Variants in PDE10A observed in about 807,000 individuals in gnomAD.
PDE10A encodes the protein cAMP and cAMP-inhibited cGMP 3',5'-cyclic phosphodiesterase 10A.
PDE10A carries 39 observed loss-of-function variants against 97.7 expected under a neutral mutation model. The observed-to-expected ratio is 0.40, with a 90% confidence interval of 0.31 to 0.52. PDE10A has a LOEUF of 0.52. Among genes scored for constraint, PDE10A ranks in the 20% least tolerant of loss-of-function variants. The pLI, the probability that PDE10A is intolerant of heterozygous loss-of-function variation, is 0.56. For synonymous variants in PDE10A, 371 were observed against 376.8 expected, an observed-to-expected ratio of 0.98 and a Z score of 0.18; for missense variants, 731 against 1,047.8, an observed-to-expected ratio of 0.70 and a Z score of 4.17.
At chr6:165,339,827 T>C (rs1728675698) in intron 19 of PDE10A, among the ~76,000 whole-genome samples, 1 of 152,216 alleles carries the variant, frequency 6.6e-6, no homozygotes, top group African/African-American at 2.4e-5. Context: ...TACAACAAAC[T>C]ACACATATCA....
intron 1 of PDE10A, among the ~76,000 whole-genome samples, chr6:165,765,041 G>A (rs1294401206): frequency 3.3e-5 from 5 of 151,652 alleles, no homozygotes; most frequent in African/African-American, 1.2e-4. Flanking sequence ...CCCCACCAGA[G>A]CAGCTAGATA....
At chr6:165,515,137 A>G in intron 2 of PDE10A, among the ~76,000 whole-genome samples, 1 of 152,200 alleles carries the variant, frequency 6.6e-6, no homozygotes, top group East Asian at 1.9e-4. Context: ...ATATTCTCTC[A>G]GGAGTGAACA....
At chr6:165,443,546 G>A (rs1194620637) in intron 5 of PDE10A, among the ~76,000 whole-genome samples, 1 of 152,188 alleles carries the variant, frequency 6.6e-6, no homozygotes, top group Non-Finnish European at 1.5e-5. Flanking sequence ...TCTAAGGTCC[G>A]CAGGACAGTG....
intron 1 of PDE10A, among the ~76,000 whole-genome samples, chr6:165,778,828 G>C (rs775224094): frequency 6.6e-5 from 10 of 151,952 alleles, no homozygotes; most frequent in Non-Finnish European, 1.3e-4. Flanking sequence ...GCTTGTATTT[G>C]TTGCCCAATT....
intron 1 of PDE10A, among the ~76,000 whole-genome samples, chr6:165,724,807 A>T (rs765978721): frequency 2.6e-5 from 4 of 151,982 alleles, no homozygotes; most frequent in Non-Finnish European, 4.4e-5. Context: ...GAGTCGAGAG[A>T]CTCCTGACCA....
intron 3 of PDE10A, among the ~76,000 whole-genome samples, chr6:165,470,914 AAAAC>A (rs1217576000): frequency 1.3e-5 from 2 of 152,214 alleles, no homozygotes; most frequent in African/African-American, 4.8e-5. Flanking sequence ...GAAAAAAACT[AAAAC>A]AAAACCGGAG....
chr6:165,895,731 T>C (rs1781924625), intron 1 of PDE10A, among the ~76,000 whole-genome samples: 1 of 152,206 alleles, frequency 6.6e-6, no homozygotes, highest in South Asian at 2.1e-4. Context: ...GTGTCTTTCC[T>C]GAATTACCAA....
intron 1 of PDE10A, among the ~76,000 whole-genome samples, chr6:165,641,910 G>A (rs867953514): frequency 2.4e-4 from 37 of 152,184 alleles, no homozygotes; most frequent in African/African-American, 8.9e-4. Flanking sequence ...TACCTCCCAC[G>A]GCAGCCCCGC....
chr6:165,863,775 T>C (rs949173769), intron 1 of PDE10A, among the ~76,000 whole-genome samples: 1 of 152,138 alleles, frequency 6.6e-6, no homozygotes, highest in Non-Finnish European at 1.5e-5. Context: ...ATACTGCAAA[T>C]AACAAGGTTC....
At chr6:165,941,699 T>C (rs1415569528) in intron 1 of PDE10A, among the ~76,000 whole-genome samples, 2 of 152,204 alleles carry the variant, frequency 1.3e-5, no homozygotes, top group East Asian at 3.8e-4. Context: ...TCTGCCATGA[T>C]TGTAAGCTTC....
chr6:165,740,790 T>C (rs1792702403), intron 1 of PDE10A, among the ~76,000 whole-genome samples: 1 of 152,090 alleles, frequency 6.6e-6, no homozygotes, highest in African/African-American at 2.4e-5. Flanking sequence ...AAAAAGTCAA[T>C]CTCATAGAAG....
In PDE10A at chr6:165,673,981, A is replaced by AT. The variant is rs1790721140; in HGVS notation, c.-614-130414_-614-130413insA. ...GTGACTTGAAAGATCTCTAATTTAA[A>AT]ATTTTTTAAAGTGTTTCCGTGTCCA... is the stretch of plus-strand genomic sequence containing the variant. On this transcript the variant is annotated intron_variant, in intron 1 of 19. Transcript: ENST00000366882. Among the ~76,000 whole-genome samples, 3 of 25,492 alleles carry AT rather than the reference A, an allele frequency of 1.2e-4. No individual in the cohort carries two copies. The South Asian group carries it at 6.3e-3, about 54-fold the overall frequency. 16.7% of individuals were successfully genotyped at this position (25,492 alleles called of 152,430 possible). A position where few individuals can be genotyped will look rare whatever the true frequency, so the allele number is the denominator to read the frequency against.
intron 1 of PDE10A, among the ~76,000 whole-genome samples, chr6:165,826,394 C>T (rs991569775): frequency 4.6e-5 from 6 of 131,310 alleles, no homozygotes; most frequent in African/African-American, 1.6e-4. Context: ...TCATGTCCCT[C>T]GTGTCCCCAT....
intron 1 of PDE10A, among the ~76,000 whole-genome samples, chr6:165,925,899 G>C (rs1483815431): frequency 1.3e-5 from 2 of 152,204 alleles, no homozygotes; most frequent in Non-Finnish European, 2.9e-5. Context: ...TCTGAATATG[G>C]TGGATGGATT....
At chr6:165,425,006 CTCCTGT>C (rs1789012858) in intron 10 of PDE10A, among the ~76,000 whole-genome samples, 1 of 152,066 alleles carries the variant, frequency 6.6e-6, no homozygotes, top group African/African-American at 2.4e-5. Flanking sequence ...TAAATATATT[CTCCTGT>C]TGATATCTGT....
At chr6:165,625,829 C>T (rs1788360014) in intron 1 of PDE10A, among the ~76,000 whole-genome samples, 1 of 152,176 alleles carries the variant, frequency 6.6e-6, no homozygotes, top group African/African-American at 2.4e-5. Flanking sequence ...ATTACCCAGT[C>T]TCAGGTATGT....
At chr6:165,543,676 A>C in intron 1 of PDE10A, 108 bp from the exon 2 acceptor site, 1 of 789,194 alleles carries the variant, frequency 1.3e-6, no homozygotes, top group Non-Finnish European at 1.9e-6. Flanking sequence ...CTCTCATCTA[A>C]CGGAGAGAGG....
intron 1 of PDE10A, among the ~76,000 whole-genome samples, chr6:165,751,727 A>G (rs1182335544): frequency 6.6e-6 from 1 of 152,224 alleles, no homozygotes; most frequent in Non-Finnish European, 1.5e-5. Flanking sequence ...CAGCAGCGCT[A>G]TGACAATGTA....
chr6:165,691,197 CTCT>C (rs1168828768), intron 1 of PDE10A, among the ~76,000 whole-genome samples: 12 of 61,148 alleles, frequency 2.0e-4, no homozygotes, highest in African/African-American at 1.0e-3. Context: ...CCCTCTCTCT[CTCT>C]CCCCACACAC....
Sources: allele counts gnomAD v4.1 joint callset (sites outside exome capture counted in the v4.1 genomes callset), GRCh38; gene constraint gnomAD v4.1.1; transcripts MANE v1.5; gene names NCBI Gene and HGNC (gene_info 2026-07-23, HGNC 2026-07-21).